The following DGKB variants were observed in gnomAD, a reference collection of about 807,000 sequenced individuals.
DGKB encodes 90 kDa diacylglycerol kinase.
In DGKB, 67 loss-of-function variants were observed where a neutral mutation model predicts 114.3. The ratio of observed to expected loss-of-function variants is 0.59; its 90% CI spans 0.48 to 0.72. The LOEUF (loss-of-function observed/expected upper bound fraction) is 0.72, where lower values mean the gene tolerates loss of function less well. Among genes scored for constraint, DGKB ranks in the 30% least tolerant of loss-of-function variants. The pLI is 0.00. For synonymous variants in DGKB, 398 were observed against 323.1 expected (o/e 1.23, Z -2.49); for missense variants, 907 against 975.2 (o/e 0.93, Z 0.93).
At chr7:14,431,955 T>C (rs914225015) in intron 21 of DGKB, among the ~76,000 whole-genome samples, 2 of 150,390 alleles carry the variant, frequency 1.3e-5, no homozygotes, top group Non-Finnish European at 3.0e-5. Flanking sequence ...AATGTACATT[T>C]TGCAATGTCT....
At chr7:14,766,124 A>C (rs950125843) in intron 2 of DGKB, among the ~76,000 whole-genome samples, 2 of 152,030 alleles carry the variant, frequency 1.3e-5, no homozygotes, top group Non-Finnish European at 2.9e-5. Flanking sequence ...GCCTGCAGCT[A>C]TGACTTCTTA....
intron 20 of DGKB, among the ~76,000 whole-genome samples, chr7:14,560,168 C>G (rs1195530590): frequency 6.6e-6 from 1 of 151,398 alleles, no homozygotes; most frequent in African/African-American, 2.4e-5. Context: ...TTCTTTTTTA[C>G]TTTCTCCTCT....
At chr7:14,747,785 A>ACACACACACACG (rs1564090299) in intron 4 of DGKB, among the ~76,000 whole-genome samples, 1 of 131,478 alleles carries the variant, frequency 7.6e-6, no homozygotes, top group East Asian at 2.4e-4. Context: ...GCACGCACAC[A>ACACACACACACG]CACACACACA....
chr7:14,323,335 G>C (rs374336226), intron 23 of DGKB, among the ~76,000 whole-genome samples: 3 of 152,100 alleles, frequency 2.0e-5, no homozygotes, highest in East Asian at 3.9e-4. Context: ...ATTGATCAGA[G>C]AGAGTGGTTA....
intron 1 of DGKB, among the ~76,000 whole-genome samples, chr7:14,863,643 A>G (rs962696744): frequency 2.6e-5 from 4 of 152,136 alleles, no homozygotes; most frequent in African/African-American, 9.6e-5. Context: ...ACAAATAATA[A>G]TTGTGTATAT....
At chr7:14,836,534 G>T (rs192698835) in intron 2 of DGKB, among the ~76,000 whole-genome samples, 2 of 152,144 alleles carry the variant, frequency 1.3e-5, no homozygotes, top group African/African-American at 4.8e-5. Flanking sequence ...TTAACCCTTT[G>T]CTGTGACGTG....
intron 12 of DGKB, among the ~76,000 whole-genome samples, chr7:14,676,798 T>C (rs901453450): frequency 3.3e-5 from 5 of 151,908 alleles, no homozygotes; most frequent in Non-Finnish European, 7.4e-5. Flanking sequence ...AACTACAGCA[T>C]TGAAGATGCT....
chr7:14,389,190 G>A (rs1251157881), intron 21 of DGKB, among the ~76,000 whole-genome samples: 1 of 152,112 alleles, frequency 6.6e-6, no homozygotes, highest in Non-Finnish European at 1.5e-5. Flanking sequence ...CTTTGTTGGA[G>A]TTCCACATTT....
At chr7:14,654,786 C>A (rs542655630) in intron 13 of DGKB, among the ~76,000 whole-genome samples, 1 of 151,976 alleles carries the variant, frequency 6.6e-6, no homozygotes, top group East Asian at 1.9e-4. Context: ...GGAAAAGACA[C>A]CCTCTATAAT....
intron 21 of DGKB, among the ~76,000 whole-genome samples, chr7:14,355,039 A>G (rs1273132558): frequency 6.6e-6 from 1 of 152,166 alleles, no homozygotes; most frequent in Non-Finnish European, 1.5e-5. Flanking sequence ...GCTGGATTAT[A>G]CTAGTTGACT....
At chr7:14,784,916 T>C (rs949357280) in intron 2 of DGKB, among the ~76,000 whole-genome samples, 5 of 152,118 alleles carry the variant, frequency 3.3e-5, no homozygotes, top group Non-Finnish European at 5.9e-5. Flanking sequence ...GTTGCTGAAA[T>C]ACTTTTCAAT....
chr7:14,253,881 T>G (rs1795594190), intron 23 of DGKB, among the ~76,000 whole-genome samples: 1 of 152,188 alleles, frequency 6.6e-6, no homozygotes, highest in Non-Finnish European at 1.5e-5. Context: ...ACTAGGTTAA[T>G]AAGATCATAT....
chr7:14,395,793 C>G (rs1390074242), intron 21 of DGKB, among the ~76,000 whole-genome samples: 1 of 151,802 alleles, frequency 6.6e-6, no homozygotes, highest in Non-Finnish European at 1.5e-5. Context: ...TAATAAAAAA[C>G]AGTGAATTTA....
chr7:14,937,838 G>T (rs1323421676), intron 1 of DGKB, among the ~76,000 whole-genome samples: 1 of 151,992 alleles, frequency 6.6e-6, no homozygotes, highest in African/African-American at 2.4e-5. Context: ...CCTTTATGAT[G>T]ATCCACTTTC....
chr7:14,800,808 A>G (rs1842053170), intron 2 of DGKB, among the ~76,000 whole-genome samples: 1 of 152,102 alleles, frequency 6.6e-6, no homozygotes, highest in South Asian at 2.1e-4. Flanking sequence ...TAGTATTACC[A>G]TGGCCCGTCA....
intron 20 of DGKB, among the ~76,000 whole-genome samples, chr7:14,560,508 G>A (rs1321200325): frequency 6.6e-6 from 1 of 151,968 alleles, no homozygotes; most frequent in African/African-American, 2.4e-5. Context: ...TGTCCTCAAG[G>A]TTCATCCTTT....
chr7:14,661,614 A>G (rs991948613), intron 13 of DGKB, among the ~76,000 whole-genome samples: 3 of 152,110 alleles, frequency 2.0e-5, no homozygotes, highest in Admixed American at 6.6e-5. Flanking sequence ...GTAGGACTGT[A>G]AACTAGTTCA....
chr7:14,350,425 C>T (rs1813239674), intron 21 of DGKB, among the ~76,000 whole-genome samples: 1 of 151,824 alleles, frequency 6.6e-6, no homozygotes, highest in South Asian at 2.1e-4. Context: ...CAGTAAAGTA[C>T]CAGTGCATTT....
chr7:14,567,916 G>A (rs1035920966), intron 20 of DGKB, among the ~76,000 whole-genome samples: 1 of 151,576 alleles, frequency 6.6e-6, no homozygotes, highest in Non-Finnish European at 1.5e-5. Flanking sequence ...CAGATGACCT[G>A]TGTCTTTAAT....
Sources: allele counts gnomAD v4.1 joint callset (sites outside exome capture counted in the v4.1 genomes callset), GRCh38; gene constraint gnomAD v4.1.1; transcripts MANE v1.5; gene names NCBI Gene and HGNC (gene_info 2026-07-23, HGNC 2026-07-21).